KAZN: variants seen among roughly 807,000 people sequenced by gnomAD.
KAZN encodes the protein kazrin, periplakin interacting protein, also known as kazrin.
KAZN carries 40 observed loss-of-function variants against 87.4 expected under a neutral mutation model. That is an observed-to-expected ratio of 0.46 (90% confidence interval 0.36 to 0.60). The LOEUF (loss-of-function observed/expected upper bound fraction) is 0.60. Ranked by LOEUF, KAZN falls within the 20% of genes least tolerant of loss-of-function variation. The pLI is 0.00. For synonymous variants in KAZN, 466 were observed against 458.3 expected, an observed-to-expected ratio of 1.02 and a Z score of -0.22; for missense variants, 898 against 1,073.9, an observed-to-expected ratio of 0.84 and a Z score of 2.29.
chr1:13,908,587 C>T (rs928891698), intron 1 of KAZN, among the ~76,000 whole-genome samples: 8 of 152,212 alleles, frequency 5.3e-5, no homozygotes, highest in East Asian at 1.9e-4. Context: ...GGAGCCGTGT[C>T]GAAGCCAGAT....
At chr1:14,016,545 T>C (rs1640582965) in intron 1 of KAZN, among the ~76,000 whole-genome samples, 1 of 152,090 alleles carries the variant, frequency 6.6e-6, no homozygotes, top group Non-Finnish European at 1.5e-5. Context: ...GGCATGTTTA[T>C]GAGATTGTAC....
chr1:14,789,280 T>G (rs1737358), intron 1 of KAZN, among the ~76,000 whole-genome samples: 78,430 of 151,836 alleles, frequency 0.52, 21,073 homozygotes, highest in East Asian at 0.73. Context: ...CATCCCAGAG[T>G]CAGGGAAGAA....
intron 10 of KAZN, among the ~76,000 whole-genome samples, chr1:15,098,087 C>T (rs76908607): frequency 0.01 from 1,536 of 152,268 alleles, 11 homozygotes; most frequent in Middle Eastern, 0.02. Context: ...GAGGAGAAAA[C>T]GGAGACCCAG....
At chr1:14,803,871 G>T (rs999954325) in intron 1 of KAZN, among the ~76,000 whole-genome samples, 1 of 152,226 alleles carries the variant, frequency 6.6e-6, no homozygotes, top group African/African-American at 2.4e-5. Context: ...TCTTCCATGT[G>T]CTAGGACTTA....
chr1:14,174,197 A>G (rs1380971394), intron 1 of KAZN, among the ~76,000 whole-genome samples: 1 of 152,194 alleles, frequency 6.6e-6, no homozygotes, highest in Non-Finnish European at 1.5e-5. Flanking sequence ...AGGTGGTGGT[A>G]GCACACTCAA....
intron 2 of KAZN, among the ~76,000 whole-genome samples, chr1:14,274,116 T>A (rs754408269): frequency 4.6e-5 from 7 of 152,212 alleles, no homozygotes; most frequent in Admixed American, 4.6e-4. Context: ...TGTCTGCCTT[T>A]GAACACTGAG....
intron 2 of KAZN, among the ~76,000 whole-genome samples, chr1:14,977,313 G>A (rs1665746945): frequency 6.6e-6 from 1 of 152,224 alleles, no homozygotes; most frequent in Non-Finnish European, 1.5e-5. Flanking sequence ...TTGCTGGCCA[G>A]GACCTCAGGA....
In KAZN at chr1:15,056,301, G is replaced by A. The variant is rs1638271220; in HGVS notation, c.916+21G>A. Reference sequence around the variant, plus strand: ...GCAAGGTGAGTCCTGCCCTGGCCTGGCTCCACCACGGCTTCGAGGGGCTTC... The same window carrying A: ...GCAAGGTGAGTCCTGCCCTGGCCTGACTCCACCACGGCTTCGAGGGGCTTC... On this transcript the variant is annotated intron_variant, in intron 5 of 14. Coordinates refer to ENST00000376030, the MANE Select transcript of KAZN (RefSeq NM_201628.3). The surrounding 1 kb of genome is among the most constrained non-coding windows in gnomAD (Gnocchi z 5.4). The A allele has an allele frequency of 1.3e-6, 2 of 1,581,060 alleles. No individual in the cohort carries two copies. The highest frequency in any genetic ancestry group is 2.7e-5 in the African/African-American group (2 of 74,300).
intron 2 of KAZN, among the ~76,000 whole-genome samples, chr1:14,517,302 C>A (rs1024344888): frequency 1.3e-5 from 2 of 152,112 alleles, no homozygotes; most frequent in African/African-American, 4.8e-5. Flanking sequence ...CATCTTACCA[C>A]CAAGAGGGAG....
In KAZN at chr1:15,003,100, A is replaced by G. The variant is rs189220163; in HGVS notation, c.419-31649A>G. Among the ~76,000 whole-genome samples, 83 of 152,050 alleles carry G rather than the reference A, an allele frequency of 5.5e-4. 1 individual carries two copies. Among genetic ancestry groups the G allele is most frequent in the Admixed American group, 2.4e-3 (37 of 15,278 alleles). ...ACAGACAGGTAAACGAAGGCACCAA[A>G]GGCCCCACGGCTGGGACGGGGCAGA... is the stretch of plus-strand genomic sequence containing the variant. On this transcript the variant is annotated intron_variant, in intron 2 of 14. Transcript: ENST00000376030.
intron 2 of KAZN, among the ~76,000 whole-genome samples, chr1:14,353,074 G>T (rs762519229): frequency 5.3e-5 from 8 of 152,094 alleles, no homozygotes; most frequent in Non-Finnish European, 8.8e-5. Context: ...TTGAAATATT[G>T]AGCACTCCTC....
chr1:13,964,601 G>C (rs1570403766), intron 1 of KAZN, among the ~76,000 whole-genome samples: 1 of 152,148 alleles, frequency 6.6e-6, no homozygotes, highest in Admixed American at 6.5e-5. Context: ...GCTCCAGCAG[G>C]CCACCCCAGG....
intron 2 of KAZN, among the ~76,000 whole-genome samples, chr1:14,569,320 C>CTTTATTTTTTT (rs1674720175): frequency 1.1e-5 from 1 of 92,328 alleles, no homozygotes; most frequent in Non-Finnish European, 1.9e-5. Context: ...ACTTCCTCTG[C>CTTTATTTTTTT]TTTTTTTTTT....
chr1:14,570,853 G>A (rs988033534), intron 2 of KAZN, among the ~76,000 whole-genome samples: 6 of 152,234 alleles, frequency 3.9e-5, no homozygotes, highest in Non-Finnish European at 7.4e-5. Flanking sequence ...CCAGCAATAC[G>A]GGAAAGTTCT....
At chr1:14,276,689 A>T (rs930310455) in intron 2 of KAZN, among the ~76,000 whole-genome samples, 1 of 152,212 alleles carries the variant, frequency 6.6e-6, no homozygotes, top group Admixed American at 6.5e-5. Flanking sequence ...CCAGTCATCC[A>T]GTAGGATCAC....
intron 2 of KAZN, among the ~76,000 whole-genome samples, chr1:14,357,049 T>C (rs1284672006): frequency 1.3e-5 from 2 of 152,274 alleles, no homozygotes; most frequent in African/African-American, 4.8e-5. Flanking sequence ...TGATTCTTCC[T>C]ATCCATGAGC....
At position 14,905,508 on chromosome 1, in the gene KAZN, A is replaced by G. The variant is rs1014125061; in HGVS notation, c.227-55176A>G. ...TCCCAAGGTCTCCTAACCAAACAGTAATGAGGATGAACCAAATATTTCATG... is the reference window on the plus strand; with the variant it reads ...TCCCAAGGTCTCCTAACCAAACAGTGATGAGGATGAACCAAATATTTCATG... On this transcript the variant is annotated intron_variant, in intron 1 of 14. Coordinates refer to ENST00000376030, the MANE Select transcript of KAZN (RefSeq NM_201628.3). Among the ~76,000 whole-genome samples, 9 of 152,192 alleles carry G rather than the reference A, an allele frequency of 5.9e-5. No homozygotes were observed. The South Asian group carries it at 1.0e-3, about 18-fold the overall frequency.
At chr1:15,031,880 T>C (rs1055107391) in intron 2 of KAZN, among the ~76,000 whole-genome samples, 3 of 152,104 alleles carry the variant, frequency 2.0e-5, no homozygotes, top group Admixed American at 2.0e-4. Flanking sequence ...GGTGCTAGGA[T>C]TACAAGCATG....
At chr1:14,571,101 A>G (rs991884088) in intron 2 of KAZN, among the ~76,000 whole-genome samples, 5 of 152,274 alleles carry the variant, frequency 3.3e-5, no homozygotes, top group African/African-American at 4.8e-5. Context: ...CCCATGCCCT[A>G]TGACAAAAAC....
Sources: gnomAD v4.1 joint callset for allele counts (sites outside exome capture counted in the v4.1 genomes callset) on GRCh38, gnomAD v4.1.1 for gene constraint, Gnocchi (gnomAD v3.1) non-coding constraint, MANE v1.5 for transcripts, NCBI Gene and HGNC (gene_info 2026-07-23, HGNC 2026-07-21) for gene names.